The following SPATA16 variants were observed in gnomAD, a reference collection of about 807,000 sequenced individuals.
The protein encoded by SPATA16 is spermatogenesis-associated protein 16.
Under a neutral mutation model 63.3 loss-of-function variants are expected in SPATA16, and 36 were observed. That is an observed-to-expected ratio of 0.57 (90% CI 0.44 to 0.75). The LOEUF is 0.75. Ranked by LOEUF, SPATA16 falls within the 30% of genes least tolerant of loss-of-function variation. The pLI is 0.00. For synonymous variants in SPATA16, 203 were observed against 216.7 expected (o/e 0.94, Z 0.56); for missense variants, 646 against 679.3 (o/e 0.95, Z 0.54).
chr3:173,022,280 A>AC (rs1735351477), intron 3 of SPATA16, among the ~76,000 whole-genome samples: 1 of 152,130 alleles, frequency 6.6e-6, no homozygotes, highest in East Asian at 1.9e-4. Flanking sequence ...TGCTAGACGG[A>AC]CTAGGTTCTT....
intron 3 of SPATA16, among the ~76,000 whole-genome samples, chr3:173,042,454 T>C (rs1281879384): frequency 1.3e-5 from 2 of 152,112 alleles, no homozygotes; most frequent in African/African-American, 2.4e-5. Context: ...GAACTCCTCC[T>C]GACCTCAGCG....
chr3:172,976,983 G>A lies in SPATA16; in HGVS notation c.918C>T (p.Ile306=), dbSNP rs1734175512. Residue 306 remains isoleucine, a synonymous_variant, in exon 5 of 11, where the codon ATC becomes ATT. Transcript: ENST00000351008. ...CAATTTTTACCTGCCAATACAGTTT[G>A]ATGAGCTTGCTTATGCTCTCTTCCC... ...GGREESISKL[I]KLYWQAMIEE... 2 of 1,612,112 alleles carry A rather than the reference G, an allele frequency of 1.2e-6. No homozygotes were observed. Among genetic ancestry groups the A allele is most frequent in the South Asian group, 2.2e-5 (2 of 91,048 alleles).
At chr3:173,020,522 C>T (rs1042530179) in intron 3 of SPATA16, among the ~76,000 whole-genome samples, 6 of 152,168 alleles carry the variant, frequency 3.9e-5, no homozygotes, top group Non-Finnish European at 8.8e-5. Context: ...AACTAACTGT[C>T]CTTACCTGCT....
chr3:173,041,811 G>T (rs1234397683), intron 3 of SPATA16, among the ~76,000 whole-genome samples: 1 of 152,028 alleles, frequency 6.6e-6, no homozygotes, highest in Admixed American at 6.6e-5. Flanking sequence ...GTTGCGGGAT[G>T]GGGGCGGGGG....
chr3:172,890,152 A>G (rs1319113448), intron 10 of SPATA16, among the ~76,000 whole-genome samples: 3 of 152,180 alleles, frequency 2.0e-5, no homozygotes, highest in Non-Finnish European at 4.4e-5. Flanking sequence ...TGGGAGAAAA[A>G]TGAGTATTTG....
At chr3:173,073,100 A>T (rs1736711448) in intron 2 of SPATA16, among the ~76,000 whole-genome samples, 1 of 152,168 alleles carries the variant, frequency 6.6e-6, no homozygotes, top group African/African-American at 2.4e-5. Context: ...CTTGAAGGAG[A>T]TGATTTAGGG....
At chr3:172,999,600 G>A (rs1734770831) in intron 4 of SPATA16, among the ~76,000 whole-genome samples, 1 of 152,134 alleles carries the variant, frequency 6.6e-6, no homozygotes, top group Admixed American at 6.5e-5. Flanking sequence ...TTTTAGTAGA[G>A]ATGGGGTTTC....
intron 8 of SPATA16, 32 bp from the exon 9 acceptor site, chr3:172,916,513 C>A (rs751352788): frequency 6.2e-7 from 1 of 1,612,614 alleles, no homozygotes; most frequent in Middle Eastern, 1.7e-4. Flanking sequence ...TGTTTTAGAA[C>A]AAAACCACGG....
intron 2 of SPATA16, among the ~76,000 whole-genome samples, chr3:173,102,351 G>T (rs926783022): frequency 6.6e-6 from 1 of 152,162 alleles, no homozygotes; most frequent in South Asian, 2.1e-4. Context: ...ATACCCAAGG[G>T]TGGGTAATTT....
In SPATA16 at chr3:172,950,366, T is replaced by C. The variant is rs1415712149; in HGVS notation, c.1081+6311A>G. ...TTTAAGAAAAGAGAATTTAGCCCCA[T>C]AGATGAGGGATTTCTTTACCTTGGG... On this transcript the variant is annotated intron_variant, in intron 6 of 10. Transcript: ENST00000351008. 2.6e-5 allele frequency among the ~76,000 whole-genome samples: 4 copies of C among 152,158 alleles called. No homozygotes were observed. In the East Asian group the frequency reaches 7.7e-4, roughly 29 times the overall value.
chr3:173,032,071 A>C (rs1355653102), intron 3 of SPATA16, among the ~76,000 whole-genome samples: 2 of 152,122 alleles, frequency 1.3e-5, no homozygotes, highest in Admixed American at 6.6e-5. Context: ...AAATAACAAC[A>C]AGAAATCATT....
intron 5 of SPATA16, among the ~76,000 whole-genome samples, chr3:172,968,542 T>C (rs1482543573): frequency 1.3e-5 from 2 of 152,252 alleles, no homozygotes; most frequent in African/African-American, 4.8e-5. Flanking sequence ...AATGTCACTA[T>C]GTATATGTAT....
At chr3:172,995,130 T>A (rs1734667123) in intron 4 of SPATA16, among the ~76,000 whole-genome samples, 1 of 152,058 alleles carries the variant, frequency 6.6e-6, no homozygotes, top group Admixed American at 6.6e-5. Flanking sequence ...AATTCTTTTT[T>A]AAAAAAGTAA....
At chr3:173,126,281 G>T (rs1738225760) in intron 1 of SPATA16, among the ~76,000 whole-genome samples, 1 of 152,208 alleles carries the variant, frequency 6.6e-6, no homozygotes, top group Admixed American at 6.5e-5. Context: ...GGACTCAATT[G>T]TATTTCTTCA....
At chr3:173,057,398 C>A (rs1255192716) in intron 2 of SPATA16, among the ~76,000 whole-genome samples, 1 of 152,106 alleles carries the variant, frequency 6.6e-6, no homozygotes, top group African/African-American at 2.4e-5. Flanking sequence ...CAGGCTTGAG[C>A]CACCATACCT....
chr3:173,075,023 GAAAAA>G (rs1175882341), intron 2 of SPATA16, among the ~76,000 whole-genome samples: 2 of 134,882 alleles, frequency 1.5e-5, no homozygotes, highest in Non-Finnish European at 3.2e-5. Context: ...GGAAAGAAAA[GAAAAA>G]AAGAAAAACT....
intron 2 of SPATA16, among the ~76,000 whole-genome samples, chr3:173,097,754 C>T (rs1577173056): frequency 6.6e-6 from 1 of 152,148 alleles, no homozygotes; most frequent in Non-Finnish European, 1.5e-5. Context: ...GGAGAGGCTA[C>T]CTCTGCCAAT....
chr3:172,926,224 A>G (rs1471936340), intron 6 of SPATA16, among the ~76,000 whole-genome samples: 1 of 152,246 alleles, frequency 6.6e-6, no homozygotes, highest in Non-Finnish European at 1.5e-5. Context: ...TAAAATATAA[A>G]GCTAATTAAT....
chr3:172,972,190 T>TTG (rs1300533144), intron 5 of SPATA16, among the ~76,000 whole-genome samples: 3 of 152,170 alleles, frequency 2.0e-5, no homozygotes, highest in Non-Finnish European at 4.4e-5. Context: ...ATGGGAAGTC[T>TTG]TGGTGTTCTC....
Sources: gnomAD v4.1 joint callset for allele counts (sites outside exome capture counted in the v4.1 genomes callset) on GRCh38, gnomAD v4.1.1 for gene constraint, MANE v1.5 for transcripts, NCBI Gene and HGNC (gene_info 2026-07-23, HGNC 2026-07-21) for gene names.